Variants in KCTD10 observed in about 807,000 individuals in gnomAD.
KCTD10 encodes the protein BTB/POZ domain-containing adapter for CUL3-mediated RhoA degradation protein 3.
Under a neutral mutation model 34.6 loss-of-function variants are expected in KCTD10, and 13 were observed. That is an observed-to-expected ratio of 0.38 (90% CI 0.24 to 0.60). KCTD10 has a LOEUF of 0.60. KCTD10 is among the 20% of genes least tolerant of loss of function. The pLI is 0.66. For synonymous variants in KCTD10, 156 were observed against 168.8 expected, an observed-to-expected ratio of 0.92 and a Z score of 0.59; for missense variants, 256 against 420.3, an observed-to-expected ratio of 0.61 and a Z score of 3.42.
chr12:109,460,862 T>C lies in KCTD10; in HGVS notation c.218-57A>G. 2 of 1,542,096 alleles carry C rather than the reference T, an allele frequency of 1.3e-6. No individual in the cohort carries two copies. The highest frequency in any genetic ancestry group is 1.8e-6 in the Non-Finnish European group (2 of 1,121,790). The stretch of plus-strand genomic sequence containing the variant: ...TGGGCCCTCCTCTTGTGGGAGGCCC[T>C]GAGCAGAGCTGGGGTGTCTCTCGGC... On this transcript the variant is annotated intron_variant, in intron 2 of 6. Coordinates refer to ENST00000228495, the MANE Select transcript of KCTD10 (RefSeq NM_031954.5). This position sits in a 1 kb window ranked among gnomAD's most constrained non-coding sequence, Gnocchi z 4.5.
At chr12:109,453,489 A>G (rs1226582021) in intron 6 of KCTD10, among the ~76,000 whole-genome samples, 5 of 152,222 alleles carry the variant, frequency 3.3e-5, no homozygotes, top group African/African-American at 1.2e-4. Context: ...CACCATGCTC[A>G]GTCCTTTTCT....
In KCTD10 at chr12:109,460,058, G is replaced by A. The variant is rs1156787274; in HGVS notation, c.387+578C>T. Among the ~76,000 whole-genome samples, 2 of 152,204 alleles carry A rather than the reference G, an allele frequency of 1.3e-5. No homozygotes were observed. Among genetic ancestry groups the A allele is most frequent in the Non-Finnish European group, 2.9e-5 (2 of 68,034 alleles). On this transcript the variant is annotated intron_variant, in intron 3 of 6. Coordinates refer to ENST00000228495, the MANE Select transcript of KCTD10 (RefSeq NM_031954.5). The surrounding 1 kb of genome is among the most constrained non-coding windows in gnomAD (Gnocchi z 4.5). ...GGGGCCAGACACAGACATGTGGTGT[G>A]GGGGAGGCCCAAACAAGGGCCTCAT... is the stretch of plus-strand genomic sequence containing the variant.
intron 1 of KCTD10, among the ~76,000 whole-genome samples, chr12:109,471,662 G>C (rs1873892457): frequency 6.6e-6 from 1 of 152,144 alleles, no homozygotes; most frequent in African/African-American, 2.4e-5. Context: ...GATGACAGGA[G>C]TAGCTTATGG....
chr12:109,471,343 A>G (rs1272190216), intron 1 of KCTD10: 2 of 985,444 alleles, frequency 2.0e-6, no homozygotes, highest in Non-Finnish European at 2.4e-6. Context: ...ATGGCACCCA[A>G]CAGTGGCCTG....
chr12:109,469,688 G>A lies in KCTD10; in HGVS notation c.44C>T (p.Pro15Leu). Reference protein sequence around the residue: ...SGESVVSSAVPAAATRTTSFK... With the variant: ...SGESVVSSAVLAAATRTTSFK... ...GGAAGTGGTGCGGGTAGCAGCCGCTGGCACCGCTGAGCTCACCACACTTTC... is the reference window on the plus strand; with the variant it reads ...GGAAGTGGTGCGGGTAGCAGCCGCTAGCACCGCTGAGCTCACCACACTTTC... The change falls in exon 2 of 7, where the codon CCA becomes CTA. Residue 15 changes from proline (P) to leucine (L), a missense_variant. Pro to Leu is a moderately conservative substitution (Grantham distance 98). Coordinates refer to ENST00000228495, the MANE Select transcript of KCTD10 (RefSeq NM_031954.5). 1 of 1,614,228 alleles carries A rather than the reference G, an allele frequency of 6.2e-7. No individual in the cohort carries two copies. Among genetic ancestry groups the A allele is most frequent in the Non-Finnish European group, 8.5e-7 (1 of 1,180,050 alleles).
chr12:109,469,470 C>A, intron 2 of KCTD10, 45 bp downstream of exon 2: 1 of 1,599,492 alleles, frequency 6.3e-7, no homozygotes, highest in Non-Finnish European at 8.5e-7. Context: ...CCTCCTTGAC[C>A]ACATAACGCA....
In KCTD10 at chr12:109,449,979, T is replaced by C; in HGVS notation, c.*1616A>G. 3.3e-6 allele frequency: 1 copy of C among 298,598 alleles called. No individual in the cohort carries two copies. Among genetic ancestry groups the C allele is most frequent in the Non-Finnish European group, 6.1e-6 (1 of 162,948 alleles). The allele number at this position is 298,598 out of a possible 1,614,324, so 18.5% of individuals were successfully genotyped here. A position where few individuals can be genotyped will look rare whatever the true frequency, so the allele number is the denominator to read the frequency against. On this transcript the variant is annotated 3_prime_UTR_variant, in exon 7 of 7. Coordinates refer to ENST00000228495, the MANE Select transcript of KCTD10 (RefSeq NM_031954.5). ...CGATTTTGACATTCAGTCATGATTG[T>C]TTTAAAGTTTTATTGTAGACTTTGC...
Position 109,468,007 on chromosome 12 carries a change from C to T in KCTD10, c.217+1508G>A, listed in dbSNP as rs934429212. ...AGAGTGGGTAGGGTATGAGAAAAACCACAACAATCCTGGTTCTCAGATAAT... is the reference window on the plus strand; with the variant it reads ...AGAGTGGGTAGGGTATGAGAAAAACTACAACAATCCTGGTTCTCAGATAAT... On this transcript the variant is annotated intron_variant, in intron 2 of 6. Transcript: ENST00000228495. 4.6e-5 allele frequency among the ~76,000 whole-genome samples: 7 copies of T among 152,172 alleles called. No individual in the cohort carries two copies. In the East Asian group the frequency reaches 1.3e-3, roughly 29 times the overall value.
Position 109,457,631 on chromosome 12 carries a change from T to C in KCTD10, c.526A>G (p.Ser176Gly). The stretch of plus-strand genomic sequence containing the variant: ...TGTCTTTCCCGGCTGACGCCTTACC[T>C]GGTATATGAGTATTTGTTGTTACTT... ...NRSNNKYSYT[S>G]NSDDNMLKNI... is the part of the protein sequence containing the mutation. Residue 176 changes from serine (S) to glycine (G), a missense_variant and splice_region_variant, in exon 5 of 7, where the codon AGC (serine) becomes GGC (glycine). Coordinates refer to ENST00000228495, the MANE Select transcript of KCTD10 (RefSeq NM_031954.5). The C allele has an allele frequency of 6.2e-7, 1 of 1,614,128 alleles. No homozygotes were observed. The highest frequency in any genetic ancestry group is 8.5e-7 in the Non-Finnish European group (1 of 1,179,940).
intron 2 of KCTD10, among the ~76,000 whole-genome samples, chr12:109,463,309 T>A (rs1873430809): frequency 6.6e-6 from 1 of 152,008 alleles, no homozygotes; most frequent in Non-Finnish European, 1.5e-5. Context: ...AAGAATGCCG[T>A]CAGGAAATGC....
At chr12:109,475,128 G>C (rs2135687571) in intron 1 of KCTD10, among the ~76,000 whole-genome samples, 1 of 152,118 alleles carries the variant, frequency 6.6e-6, no homozygotes, top group East Asian at 1.9e-4. Flanking sequence ...TCAAACATTG[G>C]GATCAGTGGT....
At position 109,469,906 on chromosome 12, in the gene KCTD10, T is replaced by C; in HGVS notation, c.4-178A>G. The C allele has an allele frequency of 3.7e-6, 5 of 1,352,522 alleles. No homozygotes were observed. The South Asian group carries it at 6.2e-5, about 17-fold the overall frequency. The allele number at this position is 1,352,522 out of a possible 1,614,324, so 83.8% of individuals were successfully genotyped here. Reference sequence around the variant, plus strand: ...CACAGAAAAATCTGGACTTCTGGCTTCTCCTAAAATCAGAGGCCAACTGGG... The same window carrying C: ...CACAGAAAAATCTGGACTTCTGGCTCCTCCTAAAATCAGAGGCCAACTGGG... On this transcript the variant is annotated intron_variant, in intron 1 of 6. Coordinates refer to ENST00000228495, the MANE Select transcript of KCTD10 (RefSeq NM_031954.5).
rs369008333 is a variant in KCTD10, at chr12:109,473,583, A to C, written c.3+3677T>G. Among the ~76,000 whole-genome samples, 5 of 152,264 alleles carry C rather than the reference A, an allele frequency of 3.3e-5. No homozygotes were observed. In the East Asian group the frequency reaches 9.7e-4, roughly 29 times the overall value. Reference sequence around the variant, plus strand: ...TACAGATTAGGCAACAAAAGCTCTAAACCTTTTCAGAGCTCACCCTCTCCA... The same window carrying C: ...TACAGATTAGGCAACAAAAGCTCTACACCTTTTCAGAGCTCACCCTCTCCA... On this transcript the variant is annotated intron_variant, in intron 1 of 6. Transcript: ENST00000228495.
At position 109,449,485 on chromosome 12, in the gene KCTD10, G is replaced by A. The variant is rs1286853162; in HGVS notation, c.*2110C>T. ...CTCACACCTGTAATCCCAGCACTTT[G>A]GGAGGCCAAGGTGGTCGGATCACAG... On this transcript the variant is annotated 3_prime_UTR_variant, in exon 7 of 7. Coordinates refer to ENST00000228495, the MANE Select transcript of KCTD10 (RefSeq NM_031954.5). 6.6e-6 allele frequency: 1 copy of A among 152,182 alleles called. No homozygotes were observed. The highest frequency in any genetic ancestry group is 1.5e-5 in the Non-Finnish European group (1 of 68,050). The allele number at this position is 152,182 out of a possible 1,614,324, so 9.4% of individuals were successfully genotyped here. A position where few individuals can be genotyped will look rare whatever the true frequency, so the allele number is the denominator to read the frequency against.
intron 2 of KCTD10, among the ~76,000 whole-genome samples, chr12:109,465,464 G>T (rs1873547097): frequency 6.6e-6 from 1 of 152,130 alleles, no homozygotes; most frequent in Non-Finnish European, 1.5e-5. Flanking sequence ...CACCCAGAGA[G>T]CTCTTCAAAG....
chr12:109,468,309 A>G (rs1044282643), intron 2 of KCTD10, among the ~76,000 whole-genome samples: 3 of 152,152 alleles, frequency 2.0e-5, no homozygotes, highest in Non-Finnish European at 2.9e-5. Context: ...TCTTAGGATC[A>G]GAGAATTAAC....
At chr12:109,462,143 C>G (rs1489544319) in intron 2 of KCTD10, among the ~76,000 whole-genome samples, 2 of 152,234 alleles carry the variant, frequency 1.3e-5, no homozygotes, top group African/African-American at 4.8e-5. Flanking sequence ...TTCCCCTACC[C>G]CTTACCTGGC....
intron 4 of KCTD10, 29 bp from the exon 5 acceptor site, chr12:109,457,711 A>G: frequency 6.2e-7 from 1 of 1,612,400 alleles, no homozygotes; most frequent in Non-Finnish European, 8.5e-7. Context: ...GAAGAAGAAG[A>G]GAGTTACTTG....
At chr12:109,459,226 G>C (rs576460495) in intron 3 of KCTD10, 1 of 152,136 alleles carries the variant, frequency 6.6e-6, no homozygotes, top group South Asian at 2.1e-4. Context: ...TTGATAGAAG[G>C]GTTGAAAAGG....
Sources: gnomAD v4.1 joint callset for allele counts (sites outside exome capture counted in the v4.1 genomes callset) on GRCh38, gnomAD v4.1.1 for gene constraint, Gnocchi (gnomAD v3.1) non-coding constraint, MANE v1.5 for transcripts, NCBI Gene and HGNC (gene_info 2026-07-23, HGNC 2026-07-21) for gene names.